The following PLA2R1 variants were observed in gnomAD, a reference collection of about 807,000 sequenced individuals.
The protein encoded by PLA2R1 is phospholipase A2 receptor 1, also known as secretory phospholipase A2 receptor.
Under a neutral mutation model 195.9 loss-of-function variants are expected in PLA2R1, and 158 were observed. The ratio of observed to expected loss-of-function variants is 0.81; its 90% CI spans 0.71 to 0.92. The LOEUF (loss-of-function observed/expected upper bound fraction) is 0.92, where lower values mean the gene tolerates loss of function less well. PLA2R1 is among the 40% of genes least tolerant of loss of function. The pLI is 0.00. For missense variants in PLA2R1, 1,626 were observed against 1,764.6 expected (o/e 0.92, Z 1.41); for synonymous variants, 586 against 598.2 (o/e 0.98, Z 0.30).
At chr2:159,942,182 A>C (rs755207283) in intron 28 of PLA2R1, 23 bp from the exon 29 acceptor site, 1 of 1,598,098 alleles carries the variant, frequency 6.3e-7, no homozygotes, top group South Asian at 1.1e-5. Context: ...ACAAAAATTA[A>C]AATGAGGTTT....
At chr2:160,046,207 G>A (rs1181217228) in intron 1 of PLA2R1, among the ~76,000 whole-genome samples, 2 of 152,250 alleles carry the variant, frequency 1.3e-5, no homozygotes, top group Admixed American at 1.3e-4. Context: ...TGCTGTTGAT[G>A]AAACACACCG....
At chr2:159,996,308 G>A (rs186317015) in intron 11 of PLA2R1, among the ~76,000 whole-genome samples, 4 of 152,092 alleles carry the variant, frequency 2.6e-5, no homozygotes, top group African/African-American at 9.6e-5. Flanking sequence ...CTTTCACAGA[G>A]TATAGAATCC....
At chr2:160,060,583 A>G (rs1029544933) in intron 1 of PLA2R1, among the ~76,000 whole-genome samples, 1 of 152,214 alleles carries the variant, frequency 6.6e-6, no homozygotes. Context: ...AACTATGTCA[A>G]CCTTTTCAGA....
At chr2:160,042,745 C>T (rs767331063) in intron 2 of PLA2R1, among the ~76,000 whole-genome samples, 39 of 150,522 alleles carry the variant, frequency 2.6e-4, no homozygotes, top group Non-Finnish European at 4.9e-4. Context: ...TTGCAGGTAG[C>T]GGTGCCATGA....
intron 19 of PLA2R1, among the ~76,000 whole-genome samples, 193 bp downstream of exon 19, chr2:159,969,063 A>C (rs180809930): frequency 1.3e-5 from 2 of 152,324 alleles, no homozygotes; most frequent in Admixed American, 1.3e-4. Context: ...AATTATTTCC[A>C]AGAACATGAA....
chr2:160,041,946 C>T, intron 3 of PLA2R1, 79 bp downstream of exon 3: 1 of 1,123,352 alleles, frequency 8.9e-7, no homozygotes, highest in East Asian at 2.4e-5. Flanking sequence ...AATCCCAGTG[C>T]TTTTGTTTAG....
Position 160,062,442 on chromosome 2 carries a change from G to C in PLA2R1, c.-39C>G, listed in dbSNP as rs1329393017. The C allele has an allele frequency of 7.3e-6, 11 of 1,514,042 alleles. No individual in the cohort carries two copies. The highest frequency in any genetic ancestry group is 7.1e-6 in the Non-Finnish European group (8 of 1,132,204). The allele number at this position is 1,514,042 out of a possible 1,614,324, so 93.8% of individuals were successfully genotyped here. A position where few individuals can be genotyped will look rare whatever the true frequency, so the allele number is the denominator to read the frequency against. On this transcript the variant is annotated 5_prime_UTR_variant, in exon 1 of 30. Transcript: ENST00000283243. ...GCTCTCCGGGAGCCCCTTGTCCCGG[G>C]AGCCCCTTATCCCGGGAGCCCAGAG...
intron 10 of PLA2R1, among the ~76,000 whole-genome samples, chr2:160,006,923 A>C (rs1377255103): frequency 6.6e-6 from 1 of 152,218 alleles, no homozygotes; most frequent in Non-Finnish European, 1.5e-5. Context: ...AAAAGAGAAA[A>C]GAATAAAAAG....
chr2:160,003,509 AAAAAC>A (rs138434064), intron 11 of PLA2R1, among the ~76,000 whole-genome samples: 5,349 of 152,254 alleles, frequency 0.035, 111 homozygotes, highest in Middle Eastern at 0.095. Flanking sequence ...CATGTAGTTG[AAAAAC>A]AAAACAAAAT....
intron 2 of PLA2R1, among the ~76,000 whole-genome samples, chr2:160,043,422 C>T (rs1338802989): frequency 3.9e-5 from 6 of 152,210 alleles, no homozygotes; most frequent in East Asian, 1.9e-4. Context: ...CAGGAATCAA[C>T]AAAAACTTTT....
chr2:159,955,566 T>G, intron 22 of PLA2R1, 132 bp downstream of exon 22: 1 of 384,984 alleles, frequency 2.6e-6, no homozygotes, highest in Middle Eastern at 7.3e-4. Flanking sequence ...ACATTAAAAA[T>G]TAATATATTA....
chr2:160,009,771 G>A (rs1325788317), intron 10 of PLA2R1, among the ~76,000 whole-genome samples: 1 of 152,140 alleles, frequency 6.6e-6, no homozygotes, highest in African/African-American at 2.4e-5. Flanking sequence ...TATGACAGTT[G>A]CAGGAAAACG....
At chr2:160,016,203 G>A (rs1195679820) in intron 9 of PLA2R1, among the ~76,000 whole-genome samples, 4 of 148,758 alleles carry the variant, frequency 2.7e-5, no homozygotes, top group African/African-American at 9.9e-5. Context: ...GGTGGAGGTT[G>A]CAGTGAGCTG....
At chr2:159,960,744 G>T (rs1688385066) in intron 20 of PLA2R1, among the ~76,000 whole-genome samples, 1 of 152,162 alleles carries the variant, frequency 6.6e-6, no homozygotes, top group Non-Finnish European at 1.5e-5. Context: ...CAAACACAGA[G>T]AAAACTATTT....
At chr2:159,967,482 T>C in intron 20 of PLA2R1, 57 bp downstream of exon 20, 3 of 1,482,630 alleles carry the variant, frequency 2.0e-6, no homozygotes, top group Admixed American at 1.9e-5. Context: ...TTGAACACTT[T>C]CCAAAATTAG....
rs1264424215 is a variant in PLA2R1 at position 160,020,217 on chromosome 2, T to C, written c.1341A>G (p.Pro447=). The change falls in exon 8 of 30, where the codon CCA becomes CCG. Residue 447 remains proline, a synonymous_variant. Coordinates refer to ENST00000283243, the MANE Select transcript of PLA2R1 (RefSeq NM_007366.5). ...TWIGLSSNKI[P]VSFEWSNDSS... ...AGTCATTAGACCATTCAAAGGAAACTGGAATTTTATTGCTGCTCAAACCAA... is the reference window on the plus strand; with the variant it reads ...AGTCATTAGACCATTCAAAGGAAACCGGAATTTTATTGCTGCTCAAACCAA... 2 of 1,611,584 alleles carry C rather than the reference T, an allele frequency of 1.2e-6. No individual in the cohort carries two copies. Among genetic ancestry groups the C allele is most frequent in the Non-Finnish European group, 8.5e-7 (1 of 1,177,750 alleles).
intron 26 of PLA2R1, 71 bp from the exon 27 acceptor site, chr2:159,946,988 T>C (rs1178376325): frequency 1.1e-6 from 1 of 937,552 alleles, no homozygotes; most frequent in Non-Finnish European, 1.6e-6. Flanking sequence ...ATGTTTCCTA[T>C]ACTATTAATT....
intron 28 of PLA2R1, among the ~76,000 whole-genome samples, chr2:159,944,591 T>C (rs1364444622): frequency 6.6e-6 from 1 of 152,224 alleles, no homozygotes; most frequent in Non-Finnish European, 1.5e-5. Flanking sequence ...GTCACCAGAA[T>C]GAAGGTTGCT....
intron 13 of PLA2R1, among the ~76,000 whole-genome samples, chr2:159,981,499 AG>A (rs1250218622): frequency 6.6e-6 from 1 of 151,942 alleles, no homozygotes; most frequent in Non-Finnish European, 1.5e-5. Flanking sequence ...TCCTCTTCCC[AG>A]GCTCAATTGA....
Sources: gnomAD v4.1 joint callset for allele counts (sites outside exome capture counted in the v4.1 genomes callset) on GRCh38, gnomAD v4.1.1 for gene constraint, MANE v1.5 for transcripts, NCBI Gene and HGNC (gene_info 2026-07-23, HGNC 2026-07-21) for gene names.